Variants in KDM4C observed in about 807,000 individuals in gnomAD.
KDM4C encodes the protein lysine-specific demethylase 4C.
A neutral mutation model predicts 129.3 loss-of-function variants in KDM4C; 81 were observed. The observed-to-expected ratio is 0.63, with a 90% CI of 0.52 to 0.75. The LOEUF (loss-of-function observed/expected upper bound fraction) is 0.75. Ranked by LOEUF, KDM4C falls within the 30% of genes least tolerant of loss-of-function variation. KDM4C has a pLI of 0.00. For missense variants in KDM4C, 1,457 were observed against 1,304.0 expected (o/e 1.12, Z -1.81); for synonymous variants, 573 against 456.1 (o/e 1.26, Z -3.26).
intron 19 of KDM4C, among the ~76,000 whole-genome samples, chr9:7,141,797 G>GTT (rs112782165): frequency 6.8e-6 from 1 of 146,638 alleles, no homozygotes. Flanking sequence ...TTGTTATTAG[G>GTT]TTTTTTTTTT....
intron 21 of KDM4C, 118 bp from the exon 22 acceptor site, chr9:7,174,435 C>T: frequency 1.1e-6 from 1 of 919,822 alleles, no homozygotes; most frequent in East Asian, 2.4e-5. Flanking sequence ...CCCTTTTAGC[C>T]TGAGCTGGTG....
chr9:6,878,043 G>A (rs1263939069), intron 5 of KDM4C, among the ~76,000 whole-genome samples: 1 of 152,222 alleles, frequency 6.6e-6, no homozygotes. Flanking sequence ...ATGGAGATGA[G>A]TGGGTTCACT....
intron 19 of KDM4C, among the ~76,000 whole-genome samples, chr9:7,156,403 G>T (rs1193883755): frequency 6.6e-6 from 1 of 152,136 alleles, no homozygotes; most frequent in Non-Finnish European, 1.5e-5. Flanking sequence ...ATTGATTTTG[G>T]TGCTTTAGTC....
intron 12 of KDM4C, among the ~76,000 whole-genome samples, chr9:6,995,764 T>G (rs758385917): frequency 1.3e-5 from 2 of 152,054 alleles, no homozygotes; most frequent in Non-Finnish European, 2.9e-5. Context: ...CTCTGCCTGC[T>G]GGGTTCACAC....
intron 1 of KDM4C, among the ~76,000 whole-genome samples, chr9:6,765,000 T>G (rs1179695972): frequency 1.3e-5 from 2 of 152,188 alleles, no homozygotes; most frequent in Non-Finnish European, 2.9e-5. Context: ...CTTAACACCT[T>G]GTAACTTCTG....
rs372332343 is a variant in KDM4C, at chr9:6,986,703, T to C, written c.1677+37T>C. Reference sequence around the variant, plus strand: ...TATCCATTTTTTACCATATTCATTATATGGTGAGAGCACATTTTGAAAACA... The same window carrying C: ...TATCCATTTTTTACCATATTCATTACATGGTGAGAGCACATTTTGAAAACA... On this transcript the variant is annotated intron_variant, in intron 11 of 21. Coordinates refer to ENST00000381309, the MANE Select transcript of KDM4C (RefSeq NM_015061.6). 15 of 1,455,642 alleles carry C rather than the reference T, an allele frequency of 1.0e-5. No individual in the cohort carries two copies. The African/African-American group carries it at 1.5e-4, about 15-fold the overall frequency. 90.2% of individuals were successfully genotyped at this position (1,455,642 alleles called of 1,614,324 possible). A position where few individuals can be genotyped will look rare whatever the true frequency, so the allele number is the denominator to read the frequency against.
chr9:6,785,940 C>G (rs1012488982), intron 1 of KDM4C, among the ~76,000 whole-genome samples: 15 of 152,326 alleles, frequency 9.8e-5, no homozygotes, highest in Admixed American at 2.0e-4. Context: ...CAGAATCCTT[C>G]TTTTTCTAGC....
At chr9:6,877,406 T>C (rs983820183) in intron 5 of KDM4C, among the ~76,000 whole-genome samples, 8 of 152,282 alleles carry the variant, frequency 5.3e-5, no homozygotes, top group African/African-American at 1.4e-4. Flanking sequence ...TTCACCTTGT[T>C]AGCCAGGGTG....
chr9:6,759,214 C>A (rs1818902041), intron 1 of KDM4C, among the ~76,000 whole-genome samples: 1 of 152,220 alleles, frequency 6.6e-6, no homozygotes, highest in African/African-American at 2.4e-5. Flanking sequence ...CTAGTAGGTT[C>A]CGGCCACTTA....
intron 11 of KDM4C, among the ~76,000 whole-genome samples, chr9:6,990,122 G>T (rs1818459700): frequency 6.6e-6 from 1 of 152,062 alleles, no homozygotes. Context: ...TAGAAAACTT[G>T]TTAACTGCTG....
At chr9:7,126,153 C>A (rs143925778) in intron 18 of KDM4C, among the ~76,000 whole-genome samples, 3 of 152,016 alleles carry the variant, frequency 2.0e-5, no homozygotes, top group Non-Finnish European at 4.4e-5. Context: ...ATGTATATAC[C>A]CTGAGGCCTA....
rs191995373 is a variant in KDM4C at position 6,743,307 on chromosome 9, C to G, written c.49+22310C>G. Reference sequence around the variant, plus strand: ...GCACTTCGTTCAAGCAAAATTACATCTACCTTGCACATAACTATAACCAGC... The same window carrying G: ...GCACTTCGTTCAAGCAAAATTACATGTACCTTGCACATAACTATAACCAGC... On this transcript the variant is annotated intron_variant, in intron 1 of 17. Coordinates refer to the KDM4C transcript ENST00000536108. Among the ~76,000 whole-genome samples the G allele has an allele frequency of 1.1e-3, 161 of 152,260 alleles. 1 individual carries two copies. Among genetic ancestry groups the G allele is most frequent in the Admixed American group, 9.3e-3 (142 of 15,276 alleles).
chr9:7,017,116 T>C (rs189988359), intron 15 of KDM4C, among the ~76,000 whole-genome samples: 5 of 152,140 alleles, frequency 3.3e-5, no homozygotes, highest in Admixed American at 6.5e-5. Context: ...TTAAATTCTT[T>C]TGTAGAGACA....
intron 8 of KDM4C, among the ~76,000 whole-genome samples, chr9:6,937,851 A>G (rs537326403): frequency 6.6e-6 from 1 of 152,246 alleles, no homozygotes; most frequent in Admixed American, 6.5e-5. Flanking sequence ...AGCTGGGACT[A>G]CATGAGTGCG....
At chr9:6,859,473 C>CAAA (rs58056883) in intron 5 of KDM4C, among the ~76,000 whole-genome samples, 20 of 47,830 alleles carry the variant, frequency 4.2e-4, no homozygotes, top group African/African-American at 5.7e-4. Context: ...GACTCTGTCT[C>CAAA]AAAAAAAAAA....
intron 2 of KDM4C, among the ~76,000 whole-genome samples, chr9:6,803,682 C>T (rs1286478808): frequency 6.7e-6 from 1 of 149,556 alleles, no homozygotes; most frequent in Non-Finnish European, 1.5e-5. Context: ...GAGGCCAAGG[C>T]AGATCAGTTG....
intron 17 of KDM4C, among the ~76,000 whole-genome samples, chr9:7,096,484 T>C (rs1836452456): frequency 6.6e-6 from 1 of 152,118 alleles, no homozygotes; most frequent in South Asian, 2.1e-4. Context: ...GCCATGTTAG[T>C]TTTGCAGTTT....
intron 4 of KDM4C, among the ~76,000 whole-genome samples, chr9:6,815,940 T>G (rs1161441302): frequency 6.6e-6 from 1 of 152,242 alleles, no homozygotes; most frequent in East Asian, 1.9e-4. Flanking sequence ...GGCATCACGA[T>G]AGTTCACCCT....
At chr9:6,896,862 TACTTG>T (rs1477340151) in intron 8 of KDM4C, among the ~76,000 whole-genome samples, 9 of 152,352 alleles carry the variant, frequency 5.9e-5, no homozygotes, top group African/African-American at 1.9e-4. Context: ...TGCTGTTGGC[TACTTG>T]ACTTCTTCTG....
Sources: allele counts gnomAD v4.1 joint callset (sites outside exome capture counted in the v4.1 genomes callset), GRCh38; gene constraint gnomAD v4.1.1; transcripts MANE v1.5; gene names NCBI Gene and HGNC (gene_info 2026-07-23, HGNC 2026-07-21).